Variants in ST8SIA6 observed in about 807,000 individuals in gnomAD.
The protein encoded by ST8SIA6 is ST8 alpha-N-acetyl-neuraminide alpha-2,8-sialyltransferase 6.
In ST8SIA6, 39 loss-of-function variants were observed where a neutral mutation model predicts 33.6. The ratio of observed to expected loss-of-function variants is 1.16; its 90% CI spans 0.90 to 1.52. The LOEUF is 1.52. Among genes scored for constraint, ST8SIA6 ranks in the 40% most tolerant of loss-of-function variants. ST8SIA6 has a pLI of 0.00. For synonymous variants in ST8SIA6, 172 were observed against 167.2 expected, an observed-to-expected ratio of 1.03 and a Z score of -0.22; for missense variants, 441 against 443.8, an observed-to-expected ratio of 0.99 and a Z score of 0.06.
intron 2 of ST8SIA6, among the ~76,000 whole-genome samples, chr10:17,426,908 C>G (rs371218268): frequency 3.9e-5 from 6 of 152,222 alleles, no homozygotes; most frequent in African/African-American, 1.4e-4. Flanking sequence ...TCAAGACTAG[C>G]CTGGCCAACA....
At chr10:17,436,582 C>T (rs772265010) in intron 2 of ST8SIA6, among the ~76,000 whole-genome samples, 1 of 138,868 alleles carries the variant, frequency 7.2e-6, no homozygotes, top group African/African-American at 2.7e-5. Flanking sequence ...TCCAAGTGTT[C>T]TCATTGTTCA....
At chr10:17,432,528 T>C (rs1852133774) in intron 2 of ST8SIA6, among the ~76,000 whole-genome samples, 1 of 152,188 alleles carries the variant, frequency 6.6e-6, no homozygotes, top group East Asian at 1.9e-4. Context: ...AAAAACATGC[T>C]AGCAGGAAAA....
rs542511922 is a variant in ST8SIA6, at chr10:17,379,546, T to A, written c.290+10985A>T. ...TTATCCCTCTGCTCATTAAGATAGA[T>A]GCATATCTGATTGCCTCCATTGGAA... On this transcript the variant is annotated intron_variant, in intron 3 of 7. Transcript: ENST00000377602. 1.1e-4 allele frequency among the ~76,000 whole-genome samples: 16 copies of A among 152,342 alleles called. No homozygotes were observed. The South Asian group carries it at 3.3e-3, about 32-fold the overall frequency.
chr10:17,331,833 C>G (rs1848312010), intron 4 of ST8SIA6, among the ~76,000 whole-genome samples: 3 of 152,044 alleles, frequency 2.0e-5, no homozygotes, highest in Admixed American at 6.6e-5. Context: ...TGCAGACATG[C>G]AGGTTTGTTA....
chr10:17,343,333 G>A (rs985316961), intron 4 of ST8SIA6, among the ~76,000 whole-genome samples: 14 of 152,138 alleles, frequency 9.2e-5, no homozygotes, highest in African/African-American at 3.1e-4. Flanking sequence ...ATCAATAGAC[G>A]GTTGTGCAAG....
At chr10:17,403,757 T>C (rs1268204549) in intron 2 of ST8SIA6, 1 of 152,168 alleles carries the variant, frequency 6.6e-6, no homozygotes, top group African/African-American at 2.4e-5. Flanking sequence ...AATCCTTATA[T>C]GCCATCTTAG....
At chr10:17,393,003 AG>A (rs774900567) in intron 2 of ST8SIA6, among the ~76,000 whole-genome samples, 17 of 152,226 alleles carry the variant, frequency 1.1e-4, no homozygotes, top group Non-Finnish European at 2.4e-4. Flanking sequence ...GACTGAGTAA[AG>A]GCTGCCCTCA....
Position 17,323,128 on chromosome 10 carries a change from A to T in ST8SIA6, c.665T>A (p.Val222Asp). ...RCNLPPTTGD[V>D]SKDVGSKTNL... ...TGTTTTACTGCCAACATCTTTACTAACATCTCCTGTGGTTGGGGGTAGGTT... is the reference window on the plus strand; with the variant it reads ...TGTTTTACTGCCAACATCTTTACTATCATCTCCTGTGGTTGGGGGTAGGTT... The change falls in exon 7 of 8, where the codon GTT becomes GAT. Residue 222 changes from valine to aspartate, a missense_variant. Val to Asp is a radical substitution (Grantham distance 152, BLOSUM62 -3). Coordinates refer to ENST00000377602, the MANE Select transcript of ST8SIA6 (RefSeq NM_001004470.3). The T allele has an allele frequency of 6.2e-7, 1 of 1,613,808 alleles. No homozygotes were observed. The highest frequency in any genetic ancestry group is 1.1e-5 in the South Asian group (1 of 91,062).
At chr10:17,330,719 G>A (rs563637237) in intron 5 of ST8SIA6, among the ~76,000 whole-genome samples, 1 of 152,212 alleles carries the variant, frequency 6.6e-6, no homozygotes, top group South Asian at 2.1e-4. Flanking sequence ...TGGAATCATA[G>A]AAAGACGCTG....
At chr10:17,382,186 GT>G (rs1850173675) in intron 3 of ST8SIA6, among the ~76,000 whole-genome samples, 1 of 152,078 alleles carries the variant, frequency 6.6e-6, no homozygotes, top group African/African-American at 2.4e-5. Flanking sequence ...AGAATATAAA[GT>G]TGTATTAAAT....
intron 2 of ST8SIA6, among the ~76,000 whole-genome samples, chr10:17,425,509 G>A (rs1472927120): frequency 6.6e-6 from 1 of 152,072 alleles, no homozygotes; most frequent in Non-Finnish European, 1.5e-5. Flanking sequence ...GGAGGCTGCA[G>A]TGGGCTGAGA....
At chr10:17,425,622 A>G (rs1851909440) in intron 2 of ST8SIA6, among the ~76,000 whole-genome samples, 1 of 127,668 alleles carries the variant, frequency 7.8e-6, no homozygotes, top group Non-Finnish European at 1.6e-5. Flanking sequence ...AGAAAGGAAG[A>G]AAGAAAGAAA....
intron 2 of ST8SIA6, 74 bp from the exon 3 acceptor site, chr10:17,390,694 G>T: frequency 8.4e-7 from 1 of 1,191,278 alleles, no homozygotes. Flanking sequence ...ACAAAAATCA[G>T]ATTTAATTGA....
intron 2 of ST8SIA6, among the ~76,000 whole-genome samples, chr10:17,430,931 G>A (rs1852083332): frequency 6.6e-6 from 1 of 152,158 alleles, no homozygotes; most frequent in South Asian, 2.1e-4. Context: ...GTGGCAGACA[G>A]TGGCCCAAAG....
At chr10:17,448,364 G>A (rs1038201672) in intron 2 of ST8SIA6, among the ~76,000 whole-genome samples, 42 of 152,186 alleles carry the variant, frequency 2.8e-4, no homozygotes, top group African/African-American at 9.2e-4. Context: ...AGGACGTCAC[G>A]GCCAGCCACA....
In ST8SIA6 at chr10:17,390,534, T is replaced by C; in HGVS notation, c.287A>G (p.Lys96Arg). Residue 96 changes from lysine (K) to arginine (R), a missense_variant, in exon 3 of 8, where the codon AAA (lysine) becomes AGA (arginine). Transcript: ENST00000377602. Reference protein sequence around the residue: ...YGIESFSNKTKGYSENDYLQI... With the variant: ...YGIESFSNKTRGYSENDYLQI... Reference sequence around the variant, plus strand: ...AAATGTGAAGAGTAGAACTTACCCTTTCGTTTTGTTAGAGAAAGACTCAAT... The same window carrying C: ...AAATGTGAAGAGTAGAACTTACCCTCTCGTTTTGTTAGAGAAAGACTCAAT... 1 of 1,611,200 alleles carries C rather than the reference T, an allele frequency of 6.2e-7. No homozygotes were observed. Among genetic ancestry groups the C allele is most frequent in the Non-Finnish European group, 8.5e-7 (1 of 1,178,422 alleles).
chr10:17,439,710 C>A (rs769127531), intron 2 of ST8SIA6, among the ~76,000 whole-genome samples: 24 of 152,326 alleles, frequency 1.6e-4, no homozygotes, highest in Admixed American at 5.2e-4. Flanking sequence ...GCCTCCTGCA[C>A]AATCCTAACA....
chr10:17,369,572 G>C (rs1849665773), intron 3 of ST8SIA6, among the ~76,000 whole-genome samples: 1 of 152,254 alleles, frequency 6.6e-6, no homozygotes, highest in African/African-American at 2.4e-5. Context: ...CTTAAGTCTG[G>C]TGGGTTTATG....
intron 2 of ST8SIA6, among the ~76,000 whole-genome samples, chr10:17,441,711 A>AT (rs1231433310): frequency 6.6e-6 from 1 of 152,228 alleles, no homozygotes; most frequent in East Asian, 1.9e-4. Context: ...CACCCTCTAA[A>AT]TTTGTTAATT....
Sources: gnomAD v4.1 joint callset for allele counts (sites outside exome capture counted in the v4.1 genomes callset) on GRCh38, gnomAD v4.1.1 for gene constraint, MANE v1.5 for transcripts, NCBI Gene and HGNC (gene_info 2026-07-23, HGNC 2026-07-21) for gene names.